The following CAMTA1 variants were observed in gnomAD, a reference collection of about 807,000 sequenced individuals.
CAMTA1 encodes calmodulin binding transcription activator 1, also known as calmodulin-binding transcription activator 1.
In CAMTA1, 27 loss-of-function variants were observed where a neutral mutation model predicts 170.9. That is an observed-to-expected ratio of 0.16 (90% CI 0.12 to 0.22). The LOEUF is 0.22. Among genes scored for constraint, CAMTA1 ranks in the 10% least tolerant of loss-of-function variants. The pLI is 1.00. For missense variants in CAMTA1, 1,619 were observed against 2,217.2 expected, an observed-to-expected ratio of 0.73 and a Z score of 5.42; for synonymous variants, 833 against 891.5, an observed-to-expected ratio of 0.93 and a Z score of 1.17.
At chr1:6,892,980 TAAAA>T (rs918934005) in intron 3 of CAMTA1, among the ~76,000 whole-genome samples, 1 of 146,222 alleles carries the variant, frequency 6.8e-6, no homozygotes, top group Admixed American at 6.8e-5. Flanking sequence ...AAAGAACTGT[TAAAA>T]AAAAAAAGAG....
At chr1:7,353,142 GCA>G (rs964760853) in intron 5 of CAMTA1, among the ~76,000 whole-genome samples, 2 of 152,126 alleles carry the variant, frequency 1.3e-5, no homozygotes, top group African/African-American at 2.4e-5. Flanking sequence ...CCTCTCGAAG[GCA>G]CAGTTTCCTC....
intron 4 of CAMTA1, among the ~76,000 whole-genome samples, chr1:7,193,553 G>A (rs1489622167): frequency 6.6e-6 from 1 of 151,862 alleles, no homozygotes; most frequent in Non-Finnish European, 1.5e-5. Context: ...TCAGAAACAT[G>A]AGGGGAGGGG....
intron 4 of CAMTA1, among the ~76,000 whole-genome samples, chr1:7,166,101 C>G (rs1303746609): frequency 3.3e-5 from 5 of 151,736 alleles, no homozygotes; most frequent in African/African-American, 1.2e-4. Context: ...GGGTCTCGCT[C>G]TGTCGCCCAG....
At chr1:7,283,231 A>C (rs918120758) in intron 5 of CAMTA1, among the ~76,000 whole-genome samples, 4 of 151,940 alleles carry the variant, frequency 2.6e-5, no homozygotes, top group Non-Finnish European at 5.9e-5. Context: ...ACTACAGGAG[A>C]CACCCCACCT....
chr1:6,819,974 G>C (rs1297541299), intron 1 of CAMTA1, among the ~76,000 whole-genome samples: 4 of 152,176 alleles, frequency 2.6e-5, no homozygotes, highest in Non-Finnish European at 5.9e-5. Context: ...TAATACAGAA[G>C]AGTTTTCAGT....
At chr1:7,062,656 C>T (rs1412195378) in intron 3 of CAMTA1, among the ~76,000 whole-genome samples, 2 of 69,070 alleles carry the variant, frequency 2.9e-5, no homozygotes, top group African/African-American at 1.1e-4. Flanking sequence ...GCAGGGCGTT[C>T]GTTTACTGCC....
At chr1:6,813,610 C>T (rs1297889964) in intron 1 of CAMTA1, among the ~76,000 whole-genome samples, 2 of 151,752 alleles carry the variant, frequency 1.3e-5, no homozygotes, top group African/African-American at 4.8e-5. Context: ...GTCGTATTTA[C>T]AGTTTTTTCT....
intron 7 of CAMTA1, among the ~76,000 whole-genome samples, chr1:7,658,840 G>A (rs2095929063): frequency 1.3e-5 from 2 of 152,228 alleles, no homozygotes; most frequent in African/African-American, 4.8e-5. Context: ...CAGGGACAAG[G>A]TGCTTAGGGG....
intron 5 of CAMTA1, among the ~76,000 whole-genome samples, chr1:7,345,862 A>G (rs2149841536): frequency 6.6e-6 from 1 of 152,262 alleles, no homozygotes. Context: ...GAAGAATCCC[A>G]CCGCATCTGT....
intron 1 of CAMTA1, among the ~76,000 whole-genome samples, chr1:6,787,020 G>C (rs1639605521): frequency 6.6e-6 from 1 of 152,216 alleles, no homozygotes; most frequent in South Asian, 2.1e-4. Flanking sequence ...CTTCTGTGCA[G>C]TGAGAACCAG....
intron 5 of CAMTA1, among the ~76,000 whole-genome samples, chr1:7,362,535 C>T (rs551273400): frequency 1.4e-5 from 2 of 143,508 alleles, no homozygotes; most frequent in South Asian, 2.3e-4. Flanking sequence ...ACATGGGTAC[C>T]GATGGTGACC....
chr1:7,517,140 G>A (rs554571112), intron 6 of CAMTA1, among the ~76,000 whole-genome samples: 2 of 152,140 alleles, frequency 1.3e-5, no homozygotes, highest in Admixed American at 6.5e-5. Flanking sequence ...ATCCTTTCTC[G>A]TGGCCACGTT....
At chr1:7,487,051 C>T (rs556393809) in intron 6 of CAMTA1, among the ~76,000 whole-genome samples, 2 of 152,178 alleles carry the variant, frequency 1.3e-5, no homozygotes, top group Non-Finnish European at 2.9e-5. Context: ...AAATGTGAAG[C>T]ACTTAGCGTG....
At chr1:7,000,637 G>T (rs989877667) in intron 3 of CAMTA1, among the ~76,000 whole-genome samples, 3 of 152,174 alleles carry the variant, frequency 2.0e-5, no homozygotes, top group Admixed American at 2.0e-4. Context: ...GCATGATGTG[G>T]CCTCTCTTGG....
intron 5 of CAMTA1, among the ~76,000 whole-genome samples, chr1:7,409,340 C>T (rs1460909442): frequency 6.6e-6 from 1 of 152,248 alleles, no homozygotes; most frequent in Non-Finnish European, 1.5e-5. Flanking sequence ...CCGGAGACCC[C>T]TGGCCTCCAT....
chr1:7,124,066 T>A (rs1235389745), intron 4 of CAMTA1, among the ~76,000 whole-genome samples: 1 of 152,148 alleles, frequency 6.6e-6, no homozygotes, highest in African/African-American at 2.4e-5. Flanking sequence ...ACCTCGCAGC[T>A]ATAGTGGTGT....
In CAMTA1 at chr1:7,280,186, TG is replaced by T. The variant is rs567485686; in HGVS notation, c.438+30561del. On this transcript the variant is annotated intron_variant, in intron 5 of 22. Coordinates refer to ENST00000303635, the MANE Select transcript of CAMTA1 (RefSeq NM_015215.4). ...CTGTGCCCTTTGCCCACCTGGGCAC[TG>T]AGGCACCAAGGCACCTGGCCTCACA... Among the ~76,000 whole-genome samples, 20 of 152,384 alleles carry T rather than the reference TG, an allele frequency of 1.3e-4. No individual in the cohort carries two copies. In the South Asian group the frequency reaches 3.9e-3, roughly 30 times the overall value.
chr1:7,232,093 G>C (rs971531047), intron 4 of CAMTA1, among the ~76,000 whole-genome samples: 3 of 152,234 alleles, frequency 2.0e-5, no homozygotes, highest in Non-Finnish European at 4.4e-5. Flanking sequence ...CCCGCAGAGA[G>C]AGCGGGGCCT....
At chr1:7,452,344 C>T (rs537093969) in intron 5 of CAMTA1, among the ~76,000 whole-genome samples, 6 of 152,254 alleles carry the variant, frequency 3.9e-5, no homozygotes, top group African/African-American at 1.4e-4. Context: ...GCCTGGGCCA[C>T]GGTTTCTTTT....
Sources: allele counts gnomAD v4.1 joint callset (sites outside exome capture counted in the v4.1 genomes callset), GRCh38; gene constraint gnomAD v4.1.1; transcripts MANE v1.5; gene names NCBI Gene and HGNC (gene_info 2026-07-23, HGNC 2026-07-21).